DLG2: variants seen among roughly 807,000 people sequenced by gnomAD.
DLG2 encodes the protein disks large homolog 2.
In DLG2, 45 loss-of-function variants were observed where a neutral mutation model predicts 132.5. That is an observed-to-expected ratio of 0.34 (90% CI 0.27 to 0.44). DLG2 has a LOEUF of 0.44. Among genes scored for constraint, DLG2 ranks in the 20% least tolerant of loss-of-function variants. DLG2 has a pLI of 1.00. For missense variants in DLG2, 1,045 were observed against 1,196.9 expected (o/e 0.87, Z 1.87); for synonymous variants, 424 against 419.6 (o/e 1.01, Z -0.13).
intron 6 of DLG2, among the ~76,000 whole-genome samples, chr11:84,787,681 T>C (rs567735102): frequency 6.6e-6 from 1 of 152,184 alleles, no homozygotes; most frequent in Non-Finnish European, 1.5e-5. Flanking sequence ...GTGTCCAATT[T>C]CTATCTGAGT....
At chr11:85,162,303 A>G (rs2078093320) in intron 4 of DLG2, among the ~76,000 whole-genome samples, 1 of 152,242 alleles carries the variant, frequency 6.6e-6, no homozygotes, top group Admixed American at 6.5e-5. Flanking sequence ...ACAACAGCCC[A>G]ATCCAGGAAG....
At chr11:83,644,070 T>C (rs1302748324) in intron 18 of DLG2, among the ~76,000 whole-genome samples, 4 of 152,160 alleles carry the variant, frequency 2.6e-5, no homozygotes, top group African/African-American at 9.6e-5. Context: ...TTCCCCAATA[T>C]ACTGCTCAAA....
chr11:85,032,247 CATTTT>C (rs2061068432), intron 6 of DLG2, among the ~76,000 whole-genome samples: 1 of 152,090 alleles, frequency 6.6e-6, no homozygotes, highest in South Asian at 2.1e-4. Context: ...CTTTCAATTT[CATTTT>C]AAAGTTTTCA....
intron 7 of DLG2, among the ~76,000 whole-genome samples, chr11:84,386,307 G>A (rs999116712): frequency 2.6e-5 from 4 of 151,842 alleles, no homozygotes; most frequent in Non-Finnish European, 5.9e-5. Flanking sequence ...TGAAGATTTA[G>A]TTACTCACAC....
At chr11:85,366,742 C>T (rs2084585562) in intron 3 of DLG2, among the ~76,000 whole-genome samples, 1 of 152,058 alleles carries the variant, frequency 6.6e-6, no homozygotes, top group African/African-American at 2.4e-5. Context: ...TATATATAGC[C>T]ATAATCGTTG....
intron 21 of DLG2, among the ~76,000 whole-genome samples, chr11:83,524,754 C>T (rs997650434): frequency 3.3e-5 from 5 of 152,108 alleles, no homozygotes; most frequent in African/African-American, 1.2e-4. Flanking sequence ...GCTTCCTTGG[C>T]TTCCCTGAGC....
At chr11:85,591,035 G>A (rs2079294966) in intron 3 of DLG2, among the ~76,000 whole-genome samples, 1 of 152,138 alleles carries the variant, frequency 6.6e-6, no homozygotes, top group Non-Finnish European at 1.5e-5. Context: ...GTTAAATGGT[G>A]CCATCTGGTG....
chr11:85,316,801 T>A (rs1311758999), intron 3 of DLG2, among the ~76,000 whole-genome samples: 1 of 151,992 alleles, frequency 6.6e-6, no homozygotes, highest in African/African-American at 2.4e-5. Flanking sequence ...AAAATTGGGA[T>A]ATTTTCTTTG....
chr11:85,040,209 C>T (rs543510994), intron 6 of DLG2, among the ~76,000 whole-genome samples: 1 of 151,888 alleles, frequency 6.6e-6, no homozygotes, highest in African/African-American at 2.4e-5. Context: ...TTGCTGAATT[C>T]TCCTGGAAAA....
intron 15 of DLG2, among the ~76,000 whole-genome samples, chr11:83,928,506 A>G (rs1252743803): frequency 6.6e-6 from 1 of 152,184 alleles, no homozygotes; most frequent in Non-Finnish European, 1.5e-5. Context: ...AAAAAGAAAA[A>G]AAATATTTAC....
intron 6 of DLG2, among the ~76,000 whole-genome samples, chr11:84,655,681 C>T (rs957473124): frequency 2.6e-5 from 4 of 151,728 alleles, no homozygotes; most frequent in Non-Finnish European, 5.9e-5. Flanking sequence ...TCTCTCTAAA[C>T]CTCTTTATCC....
At chr11:83,819,962 C>A (rs1438886234) in intron 17 of DLG2, among the ~76,000 whole-genome samples, 2 of 95,480 alleles carry the variant, frequency 2.1e-5, no homozygotes, top group Non-Finnish European at 4.0e-5. Context: ...TAATAATAAA[C>A]AAAGTCACAA....
chr11:85,464,914 A>T (rs1352962022), intron 3 of DLG2, among the ~76,000 whole-genome samples: 3 of 151,230 alleles, frequency 2.0e-5, no homozygotes, highest in Non-Finnish European at 4.4e-5. Flanking sequence ...CTCTACTAAA[A>T]ATACAAAAAA....
chr11:84,650,475 G>C (rs915544663), intron 6 of DLG2, among the ~76,000 whole-genome samples: 2 of 152,100 alleles, frequency 1.3e-5, no homozygotes, highest in Non-Finnish European at 2.9e-5. Context: ...CAGTTAAAAG[G>C]CTCAAAAAAC....
intron 18 of DLG2, among the ~76,000 whole-genome samples, chr11:83,724,474 T>TGA (rs780541498): frequency 0.011 from 1,171 of 103,250 alleles, 4 homozygotes; most frequent in Middle Eastern, 0.045. Flanking sequence ...TGTGTGTGTG[T>TGA]GTGAGAGAGA....
intron 5 of DLG2, among the ~76,000 whole-genome samples, chr11:85,127,266 A>C (rs12792714): frequency 0.34 from 40,937 of 119,762 alleles, 7,207 homozygotes; most frequent in Non-Finnish European, 0.41. Context: ...CTCTCTTTCT[A>C]TCTCTCTCTC....
At chr11:84,907,605 A>C (rs1276730193) in intron 6 of DLG2, among the ~76,000 whole-genome samples, 1 of 152,170 alleles carries the variant, frequency 6.6e-6, no homozygotes, top group African/African-American at 2.4e-5. Context: ...GAAATTAACT[A>C]ATTTTGCCTG....
chr11:84,252,140 C>CTTTTTTTTTTTTTTT (rs1176873990), intron 7 of DLG2, among the ~76,000 whole-genome samples: 1 of 65,338 alleles, frequency 1.5e-5, no homozygotes, highest in Non-Finnish European at 2.7e-5. Flanking sequence ...TTCTTTCTTT[C>CTTTTTTTTTTTTTTT]TTTTTTTTTT....
chr11:84,429,483 T>G (rs932667619), intron 7 of DLG2, among the ~76,000 whole-genome samples: 4 of 152,106 alleles, frequency 2.6e-5, no homozygotes, highest in Non-Finnish European at 4.4e-5. Flanking sequence ...GAGTGTCCCA[T>G]CCAAGTGAAT....
Sources: allele counts gnomAD v4.1 joint callset (sites outside exome capture counted in the v4.1 genomes callset), GRCh38; gene constraint gnomAD v4.1.1; transcripts MANE v1.5; gene names NCBI Gene and HGNC (gene_info 2026-07-23, HGNC 2026-07-21).